The following ABI1 variants were observed in gnomAD, a reference collection of about 807,000 sequenced individuals.
ABI1 encodes the protein abl interactor 1, also known as Abelson interactor 1.
A neutral mutation model predicts 54.6 loss-of-function variants in ABI1; 14 were observed. That is an observed-to-expected ratio of 0.26 (90% CI 0.17 to 0.40). ABI1 has a LOEUF of 0.40. ABI1 is among the 10% of genes least tolerant of loss of function. The pLI is 1.00. For synonymous variants in ABI1, 194 were observed against 209.3 expected (o/e 0.93, Z 0.63); for missense variants, 443 against 598.3 (o/e 0.74, Z 2.71).
At chr10:26,774,388 C>T (rs1346694220) in intron 3 of ABI1, among the ~76,000 whole-genome samples, 2 of 152,078 alleles carry the variant, frequency 1.3e-5, no homozygotes, top group Non-Finnish European at 2.9e-5. Context: ...TACTAGTGTT[C>T]ATCAAAATAA....
chr10:26,770,363 A>G lies in ABI1; in HGVS notation c.478-18T>C, dbSNP rs752220222. 2 of 1,603,080 alleles carry G rather than the reference A, an allele frequency of 1.2e-6. No individual in the cohort carries two copies. The highest frequency in any genetic ancestry group is 2.2e-5 in the South Asian group (2 of 90,790). ...TTTCCATGCTAAAATGTAGAAAGAA[A>G]TGCTTTTATTTTTATATCAAATTGT... On this transcript the variant is annotated intron_variant, in intron 4 of 10. Transcript: ENST00000376140.
chr10:26,813,982 A>G (rs964044875), intron 2 of ABI1, among the ~76,000 whole-genome samples: 1 of 152,202 alleles, frequency 6.6e-6, no homozygotes, highest in African/African-American at 2.4e-5. Flanking sequence ...AAAACATCTG[A>G]GAAACCAGAG....
intron 9 of ABI1, among the ~76,000 whole-genome samples, chr10:26,752,252 T>A (rs755373697): frequency 6.6e-6 from 1 of 152,204 alleles, no homozygotes; most frequent in Non-Finnish European, 1.5e-5. Flanking sequence ...AAATTCAGTC[T>A]CCTGTGGACA....
chr10:26,842,395 G>T (rs567219161), intron 1 of ABI1, among the ~76,000 whole-genome samples: 2 of 152,220 alleles, frequency 1.3e-5, no homozygotes, highest in South Asian at 2.1e-4. Context: ...TTTGTTGATT[G>T]TTTCCTTTGT....
intron 1 of ABI1, among the ~76,000 whole-genome samples, chr10:26,848,765 C>T (rs1362050664): frequency 2.0e-5 from 3 of 152,026 alleles, no homozygotes; most frequent in African/African-American, 4.8e-5. Context: ...TGTGCCACCA[C>T]GCCCAGCTAA....
chr10:26,798,446 T>C (rs545369173), intron 2 of ABI1, among the ~76,000 whole-genome samples: 1 of 152,110 alleles, frequency 6.6e-6, no homozygotes, highest in Admixed American at 6.6e-5. Context: ...GAAGGGGTCA[T>C]GCGCCAAAAG....
At chr10:26,792,057 T>C (rs1354570933) in intron 2 of ABI1, among the ~76,000 whole-genome samples, 2 of 152,080 alleles carry the variant, frequency 1.3e-5, no homozygotes, top group Non-Finnish European at 2.9e-5. Context: ...ACAAGCAAAA[T>C]TAAACAATAA....
At chr10:26,773,026 C>G (rs982882028) in intron 3 of ABI1, among the ~76,000 whole-genome samples, 1 of 151,944 alleles carries the variant, frequency 6.6e-6, no homozygotes. Flanking sequence ...TGTGATTGAG[C>G]TATTGCACTT....
chr10:26,769,625 T>C (rs183738138), intron 5 of ABI1, among the ~76,000 whole-genome samples: 105 of 152,300 alleles, frequency 6.9e-4, no homozygotes, highest in Non-Finnish European at 1.3e-3. Context: ...TAAAGAAATA[T>C]AATGCTTTGA....
At chr10:26,758,920 G>A in intron 8 of ABI1, 142 bp downstream of exon 8, 1 of 826,720 alleles carries the variant, frequency 1.2e-6, no homozygotes, top group African/African-American at 1.7e-5. Flanking sequence ...TATGATTCAA[G>A]GACTAATATC....
intron 1 of ABI1, among the ~76,000 whole-genome samples, chr10:26,855,890 G>A (rs1185572457): frequency 2.0e-5 from 3 of 147,688 alleles, no homozygotes; most frequent in Non-Finnish European, 4.4e-5. Context: ...AAAATCACTT[G>A]AACCCAGGAG....
rs756484573 is a variant in ABI1, at chr10:26,860,876, T to C, written c.-13A>G. The C allele has an allele frequency of 1.2e-6, 2 of 1,609,950 alleles. No homozygotes were observed. Among genetic ancestry groups the C allele is most frequent in the Non-Finnish European group, 1.7e-6 (2 of 1,176,332 alleles). On this transcript the variant is annotated 5_prime_UTR_variant, in exon 1 of 11. Coordinates refer to ENST00000376140, the MANE Select transcript of ABI1 (RefSeq NM_001012750.3). This position sits in a 1 kb window ranked among gnomAD's most constrained non-coding sequence, Gnocchi z 4.1. The stretch of plus-strand genomic sequence containing the variant: ...GCAGCTCTGCCATTTTCCACCCCTC[T>C]GCATCGCTTCCTCTCGCGTTAAAGA...
At chr10:26,749,072 C>G (rs1482965854) in intron 10 of ABI1, among the ~76,000 whole-genome samples, 1 of 152,150 alleles carries the variant, frequency 6.6e-6, no homozygotes, top group Non-Finnish European at 1.5e-5. Context: ...AAAGCACCGG[C>G]TTTTCAAAAT....
chr10:26,828,439 C>T (rs1004408720), intron 1 of ABI1, among the ~76,000 whole-genome samples: 17 of 152,242 alleles, frequency 1.1e-4, no homozygotes, highest in African/African-American at 4.1e-4. Context: ...TGCAAGGTTG[C>T]CAGAAACCTT....
chr10:26,847,259 C>G (rs2050050624), intron 1 of ABI1, among the ~76,000 whole-genome samples: 1 of 152,104 alleles, frequency 6.6e-6, no homozygotes, highest in Admixed American at 6.5e-5. Context: ...TCTTTGGGAT[C>G]TTTATGGTAT....
intron 2 of ABI1, among the ~76,000 whole-genome samples, chr10:26,803,505 C>A (rs1191114401): frequency 1.3e-5 from 2 of 152,164 alleles, no homozygotes; most frequent in Admixed American, 1.3e-4. Context: ...AATGCAAACA[C>A]CAGTAATACT....
chr10:26,835,005 A>C (rs1050854858), intron 1 of ABI1, among the ~76,000 whole-genome samples: 1 of 145,956 alleles, frequency 6.9e-6, no homozygotes, highest in Non-Finnish European at 1.5e-5. Context: ...CAAGAGGCTG[A>C]GGCATGACAA....
chr10:26,784,879 A>T (rs1010934195), intron 2 of ABI1, among the ~76,000 whole-genome samples: 2 of 152,168 alleles, frequency 1.3e-5, no homozygotes, highest in African/African-American at 4.8e-5. Flanking sequence ...ACCAAGGCCA[A>T]ATCTGTGCTC....
At position 26,840,010 on chromosome 10, in the gene ABI1, C is replaced by CA. The variant is rs796168017; in HGVS notation, c.118-16706dup. Reference sequence around the variant, plus strand: ...GTATCAAAAAAAACAAAAACAAAAACAAAAAAAACAAATTCAAGATTCTAT... The same window carrying CA: ...GTATCAAAAAAAACAAAAACAAAAACAAAAAAAAACAAATTCAAGATTCTAT... On this transcript the variant is annotated intron_variant, in intron 1 of 10. Coordinates refer to ENST00000376140, the MANE Select transcript of ABI1 (RefSeq NM_001012750.3). Among the ~76,000 whole-genome samples, 10 of 151,518 alleles carry CA rather than the reference C, an allele frequency of 6.6e-5. No individual in the cohort carries two copies. In the South Asian group the frequency reaches 1.0e-3, roughly 16 times the overall value.
Sources: allele counts gnomAD v4.1 joint callset (sites outside exome capture counted in the v4.1 genomes callset), GRCh38; gene constraint gnomAD v4.1.1; non-coding constraint Gnocchi (gnomAD v3.1); transcripts MANE v1.5; gene names NCBI Gene and HGNC (gene_info 2026-07-23, HGNC 2026-07-21).